Variants in PLEKHA2 observed in about 807,000 individuals in gnomAD.
PLEKHA2 encodes the protein pleckstrin homology domain-containing family A member 2.
A neutral mutation model predicts 53.2 loss-of-function variants in PLEKHA2; 28 were observed. That is an observed-to-expected ratio of 0.53 (90% CI 0.39 to 0.72). PLEKHA2 has a LOEUF of 0.72. Among genes scored for constraint, PLEKHA2 ranks in the 30% least tolerant of loss-of-function variants. The pLI is 0.00. For missense variants in PLEKHA2, 426 were observed against 537.9 expected (o/e 0.79, Z 2.06); for synonymous variants, 193 against 196.4 (o/e 0.98, Z 0.14).
chr8:38,944,597 T>C (rs1334329316), intron 4 of PLEKHA2, among the ~76,000 whole-genome samples: 1 of 152,068 alleles, frequency 6.6e-6, no homozygotes, highest in African/African-American at 2.4e-5. Context: ...GCTATGCATA[T>C]TTAAATAACC....
At chr8:38,965,670 T>G (rs1257387189) in intron 10 of PLEKHA2, among the ~76,000 whole-genome samples, 1 of 152,164 alleles carries the variant, frequency 6.6e-6, no homozygotes, top group African/African-American at 2.4e-5. Context: ...TGATTTGATC[T>G]TTGAGGTAGG....
chr8:38,924,002 C>T lies in PLEKHA2; in HGVS notation c.141+5932C>T, dbSNP rs148389571. On this transcript the variant is annotated intron_variant, in intron 2 of 11. Transcript: ENST00000617275. ...AAGTAGCTGGGATTACAGGCCTGCA[C>T]CACCATGCCCGGCTACTTTTTGTAT... 5.0e-3 allele frequency among the ~76,000 whole-genome samples: 755 copies of T among 152,270 alleles called. 7 individuals are homozygous for T. Among genetic ancestry groups the T allele is most frequent in the African/African-American group, 0.017 (722 of 41,546 alleles).
At chr8:38,911,039 G>C (rs1054315371) in intron 1 of PLEKHA2, among the ~76,000 whole-genome samples, 1 of 152,158 alleles carries the variant, frequency 6.6e-6, no homozygotes, top group Admixed American at 6.5e-5. Context: ...GAAAACACGA[G>C]GGAGGTTTGG....
At chr8:38,968,798 G>T in intron 11 of PLEKHA2, 129 bp downstream of exon 11, 1 of 864,096 alleles carries the variant, frequency 1.2e-6, no homozygotes, top group Non-Finnish European at 1.8e-6. Flanking sequence ...AGGCTGTCTT[G>T]CTTGTTTTTC....
chr8:38,965,722 T>G (rs967761438), intron 10 of PLEKHA2, among the ~76,000 whole-genome samples: 1 of 152,182 alleles, frequency 6.6e-6, no homozygotes, highest in African/African-American at 2.4e-5. Flanking sequence ...AGAAAAGGTC[T>G]TCTTATGGAG....
chr8:38,903,023 A>G (rs1418187934), intron 1 of PLEKHA2, among the ~76,000 whole-genome samples: 1 of 152,222 alleles, frequency 6.6e-6, no homozygotes, highest in Non-Finnish European at 1.5e-5. Context: ...CCAACGTATG[A>G]CATGTACCAG....
intron 10 of PLEKHA2, 31 bp downstream of exon 10, chr8:38,957,417 A>G: frequency 1.3e-6 from 2 of 1,571,508 alleles, no homozygotes; most frequent in Non-Finnish European, 1.7e-6. Context: ...AGACTCCAGC[A>G]TTCTGTTTCT....
In PLEKHA2 at chr8:38,943,772, TTTC is replaced by T; in HGVS notation, c.199-14_199-12del. 6.5e-7 allele frequency: 1 copy of T among 1,539,836 alleles called. No homozygotes were observed. Among genetic ancestry groups the T allele is most frequent in the Non-Finnish European group, 8.7e-7 (1 of 1,143,024 alleles). On this transcript the variant is annotated splice_polypyrimidine_tract_variant and intron_variant, in intron 3 of 11. Coordinates refer to ENST00000617275, the MANE Select transcript of PLEKHA2 (RefSeq NM_021623.2). ...AAGACACATATTCATGTTTCTTTTA[TTTC>T]TTATTTGATTTAGGTGAGCATAGCT...
At chr8:38,951,017 G>C (rs769133669) in intron 6 of PLEKHA2, 27 bp downstream of exon 6, 1 of 1,607,120 alleles carries the variant, frequency 6.2e-7, no homozygotes, top group Non-Finnish European at 8.5e-7. Context: ...GGGCTGCGGG[G>C]GGAGTGGGGG....
At chr8:38,952,843 T>C in intron 8 of PLEKHA2, 139 bp downstream of exon 8, 1 of 817,802 alleles carries the variant, frequency 1.2e-6, no homozygotes, top group South Asian at 1.6e-5. Flanking sequence ...ATCTCCATTC[T>C]GTGCACACAT....
In PLEKHA2 at chr8:38,957,444, C is replaced by G; in HGVS notation, c.837+58C>G. ...TCTGTTTCTGTGAATGGTGCCCTCA[C>G]AGGCCGTGTCCTTTCCTTTGCTTTC... On this transcript the variant is annotated intron_variant, in intron 10 of 11. Coordinates refer to ENST00000617275, the MANE Select transcript of PLEKHA2 (RefSeq NM_021623.2). The G allele has an allele frequency of 3.5e-6, 5 of 1,410,384 alleles. No homozygotes were observed. In the South Asian group the frequency reaches 5.8e-5, roughly 16 times the overall value. 87.4% of individuals were successfully genotyped at this position (1,410,384 alleles called of 1,614,324 possible).
chr8:38,906,853 G>A (rs150013086), intron 1 of PLEKHA2, among the ~76,000 whole-genome samples: 231 of 152,324 alleles, frequency 1.5e-3, no homozygotes, highest in African/African-American at 5.3e-3. Flanking sequence ...CTGCAAATCT[G>A]AACATATATG....
At chr8:38,927,122 G>A (rs573275810) in intron 2 of PLEKHA2, among the ~76,000 whole-genome samples, 1 of 152,280 alleles carries the variant, frequency 6.6e-6, no homozygotes, top group South Asian at 2.1e-4. Flanking sequence ...GTATGTTGTT[G>A]TTAGATTTTG....
intron 10 of PLEKHA2, among the ~76,000 whole-genome samples, chr8:38,966,572 C>G (rs947651389): frequency 6.6e-6 from 1 of 152,168 alleles, no homozygotes; most frequent in Non-Finnish European, 1.5e-5. Flanking sequence ...CCCTATAAAG[C>G]TGGAGGGCAC....
At chr8:38,940,896 A>T (rs201657036) in intron 3 of PLEKHA2, among the ~76,000 whole-genome samples, 1 of 139,394 alleles carries the variant, frequency 7.2e-6, no homozygotes, top group Admixed American at 7.1e-5. Flanking sequence ...ATTGGCTATT[A>T]TATATATATA....
At chr8:38,927,112 G>C (rs1834303112) in intron 2 of PLEKHA2, among the ~76,000 whole-genome samples, 1 of 152,140 alleles carries the variant, frequency 6.6e-6, no homozygotes, top group Non-Finnish European at 1.5e-5. Context: ...CTTCTCTTTG[G>C]TATGTTGTTG....
chr8:38,946,003 G>T (rs573764589), intron 4 of PLEKHA2, 121 bp from the exon 5 acceptor site: 11 of 737,872 alleles, frequency 1.5e-5, no homozygotes, highest in Non-Finnish European at 2.3e-5. Context: ...GAGATTTCTT[G>T]TTCTGCTTTG....
At chr8:38,932,314 A>G (rs1382787510) in intron 2 of PLEKHA2, among the ~76,000 whole-genome samples, 2 of 152,166 alleles carry the variant, frequency 1.3e-5, no homozygotes, top group Admixed American at 1.3e-4. Context: ...GGTTTTTAAA[A>G]CAAGCTCTCC....
chr8:38,950,817 T>C (rs1295692219), intron 5 of PLEKHA2, 33 bp from the exon 6 acceptor site: 37 of 1,603,422 alleles, frequency 2.3e-5, no homozygotes, highest in Non-Finnish European at 3.1e-5. Flanking sequence ...AAATGTTCTG[T>C]TCCCCATTGA....
Sources: gnomAD v4.1 joint callset for allele counts (sites outside exome capture counted in the v4.1 genomes callset) on GRCh38, gnomAD v4.1.1 for gene constraint, MANE v1.5 for transcripts, NCBI Gene and HGNC (gene_info 2026-07-23, HGNC 2026-07-21) for gene names.